Variants in RNF157 observed in about 807,000 individuals in gnomAD.
RNF157 encodes ring finger protein 157.
RNF157 carries 55 observed loss-of-function variants against 88.3 expected under a neutral mutation model. The observed-to-expected ratio is 0.62, with a 90% confidence interval of 0.50 to 0.78. The LOEUF (loss-of-function observed/expected upper bound fraction) is 0.78. RNF157 is among the 30% of genes least tolerant of loss of function. The probability of loss-of-function intolerance (pLI) is 0.00; values close to 1 mark genes in which losing one functional copy is unlikely to be tolerated. For synonymous variants in RNF157, 334 were observed against 341.2 expected (o/e 0.98, Z 0.23); for missense variants, 788 against 860.8 (o/e 0.92, Z 1.06).
chr17:76,207,416 C>T (rs144444071), intron 2 of RNF157, among the ~76,000 whole-genome samples: 6 of 152,158 alleles, frequency 3.9e-5, no homozygotes, highest in African/African-American at 1.4e-4. Flanking sequence ...GGGCAAGTCC[C>T]TATCTCTAGG....
intron 2 of RNF157, among the ~76,000 whole-genome samples, chr17:76,188,130 C>T (rs1235159889): frequency 1.3e-5 from 2 of 152,192 alleles, no homozygotes; most frequent in Non-Finnish European, 2.9e-5. Flanking sequence ...AGTCTAAACT[C>T]ATTTAAAGAC....
rs1171253912 is a variant in RNF157 at position 76,212,424 on chromosome 17, A to G, written c.147T>C (p.Pro49=). The change falls in exon 2 of 19, where the codon CCT becomes CCC. Residue 49 remains proline, a synonymous_variant. Transcript: ENST00000269391. ...MGGEKFDSTH[P]EGYLFGENSD... ...TGTTCTCTCCAAACAGGTAACCTTC[A>G]GGATGAGTTGAGTCAAACTTCTCTC... 2.3e-5 allele frequency: 37 copies of G among 1,614,140 alleles called. No homozygotes were observed. Among genetic ancestry groups the G allele is most frequent in the Non-Finnish European group, 3.1e-5 (36 of 1,179,974 alleles).
intron 2 of RNF157, among the ~76,000 whole-genome samples, chr17:76,177,060 C>A (rs1166477298): frequency 1.3e-5 from 2 of 152,126 alleles, no homozygotes; most frequent in African/African-American, 4.8e-5. Context: ...CCACTCTGTC[C>A]CAGACTGCCC....
chr17:76,208,511 T>G (rs4505373), intron 2 of RNF157, among the ~76,000 whole-genome samples: 57,994 of 151,982 alleles, frequency 0.38, 12,502 homozygotes, highest in East Asian at 0.68. Flanking sequence ...CTTAGAACAA[T>G]CAGCCCTGGC....
intron 2 of RNF157, among the ~76,000 whole-genome samples, chr17:76,201,958 G>A (rs532609270): frequency 2.0e-5 from 3 of 151,744 alleles, no homozygotes; most frequent in South Asian, 2.1e-4. Context: ...GGAGAGATTC[G>A]GAGAGGTGAA....
chr17:76,200,837 C>A (rs971338214), intron 2 of RNF157, among the ~76,000 whole-genome samples: 1 of 152,146 alleles, frequency 6.6e-6, no homozygotes, highest in Non-Finnish European at 1.5e-5. Flanking sequence ...CATACCATTT[C>A]GAATCAACTG....
intron 2 of RNF157, among the ~76,000 whole-genome samples, chr17:76,189,980 G>A (rs1292318162): frequency 6.6e-6 from 1 of 152,162 alleles, no homozygotes; most frequent in Non-Finnish European, 1.5e-5. Context: ...CCCACTGGCA[G>A]CACATGGCCA....
chr17:76,240,353 G>T lies in RNF157; in HGVS notation c.-113C>A. On this transcript the variant is annotated 5_prime_UTR_variant, in exon 1 of 19. Transcript: ENST00000269391. The surrounding 1 kb of genome is among the most constrained non-coding windows in gnomAD (Gnocchi z 4.4). ...GGGGGCCGACTGCCCGCCGCGGCCGGCTCCGCTGCGGCGCTGCGGCTCTGG... is the reference window on the plus strand; with the variant it reads ...GGGGGCCGACTGCCCGCCGCGGCCGTCTCCGCTGCGGCGCTGCGGCTCTGG... The T allele has an allele frequency of 3.3e-6, 1 of 299,260 alleles. No individual in the cohort carries two copies. The highest frequency in any genetic ancestry group is 4.9e-6 in the Non-Finnish European group (1 of 205,884). 18.5% of individuals were successfully genotyped at this position (299,260 alleles called of 1,614,324 possible).
intron 1 of RNF157, chr17:76,225,723 C>T (rs2070070241): frequency 6.8e-7 from 1 of 1,477,146 alleles, no homozygotes. Flanking sequence ...TATGTACAAG[C>T]ACGTTGACAC....
intron 2 of RNF157, among the ~76,000 whole-genome samples, chr17:76,207,580 A>G (rs2069702633): frequency 6.6e-6 from 1 of 152,246 alleles, no homozygotes; most frequent in Admixed American, 6.5e-5. Context: ...ATAGCTTAAT[A>G]TAACAATTCA....
At position 76,176,953 on chromosome 17, in the gene RNF157, C is replaced by T. The variant is rs1050338950; in HGVS notation, c.208-3163G>A. Among the ~76,000 whole-genome samples the T allele has an allele frequency of 1.3e-5, 2 of 151,356 alleles. No homozygotes were observed. The highest frequency in any genetic ancestry group is 2.9e-5 in the Non-Finnish European group (2 of 67,828). On this transcript the variant is annotated intron_variant, in intron 2 of 18. Coordinates refer to ENST00000269391, the MANE Select transcript of RNF157 (RefSeq NM_052916.3). The surrounding 1 kb of genome is among the most constrained non-coding windows in gnomAD (Gnocchi z 4.2). ...CCTCGGGAGGAGGTTCTGCGCAGCC[C>T]GTCTGGGGCTGCGCCCCCAGGTCTG...
In RNF157 at chr17:76,240,100, C is replaced by T; in HGVS notation, c.88+53G>A. On this transcript the variant is annotated intron_variant, in intron 1 of 18. Transcript: ENST00000269391. This position sits in a 1 kb window ranked among gnomAD's most constrained non-coding sequence, Gnocchi z 4.4. ...CCCCTCAGGCCGTCCCGACCCAGAC[C>T]CCTGCCCCTGCCCCTCTCCCTCCTC... The T allele has an allele frequency of 8.8e-7, 1 of 1,131,826 alleles. No homozygotes were observed. Among genetic ancestry groups the T allele is most frequent in the Non-Finnish European group, 1.1e-6 (1 of 889,220 alleles). 70.1% of individuals were successfully genotyped at this position (1,131,826 alleles called of 1,614,324 possible).
At chr17:76,185,522 T>C (rs1040187949) in intron 2 of RNF157, among the ~76,000 whole-genome samples, 1 of 149,524 alleles carries the variant, frequency 6.7e-6, no homozygotes, top group East Asian at 1.9e-4. Context: ...CAGGCTGGAG[T>C]GCAGTGGCGC....
At chr17:76,181,726 G>T (rs2069191167) in intron 2 of RNF157, among the ~76,000 whole-genome samples, 1 of 151,470 alleles carries the variant, frequency 6.6e-6, no homozygotes, top group African/African-American at 2.4e-5. Flanking sequence ...TGGCCAACAT[G>T]GTGAAACCTC....
chr17:76,202,128 T>TCTCTCTCTCACACACACACA (rs1250661867), intron 2 of RNF157, among the ~76,000 whole-genome samples: 3 of 134,602 alleles, frequency 2.2e-5, no homozygotes, highest in African/African-American at 9.4e-5. Context: ...TCTCTCTCTC[T>TCTCTCTCTCACACACACACA]CACACACACA....
At chr17:76,187,195 T>C (rs1052197659) in intron 2 of RNF157, among the ~76,000 whole-genome samples, 1 of 151,894 alleles carries the variant, frequency 6.6e-6, no homozygotes, top group Non-Finnish European at 1.5e-5. Context: ...CTTCTTTTTT[T>C]TTTCTTAAGA....
rs947859187 is a variant in RNF157, at chr17:76,154,396, A to T, written c.1765-68T>A. 3.0e-6 allele frequency: 3 copies of T among 995,902 alleles called. No individual in the cohort carries two copies. The African/African-American group carries it at 4.8e-5, about 16-fold the overall frequency. 61.7% of individuals were successfully genotyped at this position (995,902 alleles called of 1,614,324 possible). A position where few individuals can be genotyped will look rare whatever the true frequency, so the allele number is the denominator to read the frequency against. On this transcript the variant is annotated intron_variant, in intron 16 of 18. Coordinates refer to ENST00000269391, the MANE Select transcript of RNF157 (RefSeq NM_052916.3). The stretch of plus-strand genomic sequence containing the variant: ...ATGAGTAAACTGATTGGCTGAAGAC[A>T]GAACTAATCATCCTACTGGTATCTA...
rs889872128 is a variant in RNF157 at position 76,145,189 on chromosome 17, G to A, written c.*46C>T. ...AGTAGGCAGCAGCTGAGTGAGGATG[G>A]ATGGAATGCAGGGCAGGAGGGGAGC... On this transcript the variant is annotated 3_prime_UTR_variant, in exon 19 of 19. Coordinates refer to ENST00000269391, the MANE Select transcript of RNF157 (RefSeq NM_052916.3). 7.8e-7 allele frequency: 1 copy of A among 1,287,696 alleles called. No individual in the cohort carries two copies. The highest frequency in any genetic ancestry group is 1.5e-5 in the African/African-American group (1 of 68,632). 79.8% of individuals were successfully genotyped at this position (1,287,696 alleles called of 1,614,324 possible). A position where few individuals can be genotyped will look rare whatever the true frequency, so the allele number is the denominator to read the frequency against.
In RNF157 at chr17:76,167,793, C is replaced by T. The variant is rs986483309; in HGVS notation, c.301G>A (p.Ala101Thr). 1.9e-6 allele frequency: 3 copies of T among 1,613,160 alleles called. No homozygotes were observed. The highest frequency in any genetic ancestry group is 2.5e-6 in the Non-Finnish European group (3 of 1,179,658). ...TCTCCAGGGCTCTTCACTTCCTCAG[C>T]ACATCTAGAAAACCAGAGACTCAGC... ...RKDTLRLVKC[A>T]EEVKSPGEEA... is the part of the protein sequence containing the mutation. Residue 101 changes from alanine (A) to threonine (T), a missense_variant, in exon 4 of 19, where the codon GCT becomes ACT. Ala to Thr is a moderately conservative substitution (Grantham distance 58). Transcript: ENST00000269391.
Sources: gnomAD v4.1 joint callset for allele counts (sites outside exome capture counted in the v4.1 genomes callset) on GRCh38, gnomAD v4.1.1 for gene constraint, Gnocchi (gnomAD v3.1) non-coding constraint, MANE v1.5 for transcripts, NCBI Gene and HGNC (gene_info 2026-07-23, HGNC 2026-07-21) for gene names.